Variants in ADGRV1 observed in about 807,000 individuals in gnomAD.
ADGRV1 encodes the protein G-protein coupled receptor 98.
A neutral mutation model predicts 596.2 loss-of-function variants in ADGRV1; 359 were observed. The ratio of observed to expected loss-of-function variants is 0.60; its 90% CI spans 0.55 to 0.66. ADGRV1 has a LOEUF of 0.66. Ranked by LOEUF, ADGRV1 falls within the 30% of genes least tolerant of loss-of-function variation. The probability of loss-of-function intolerance (pLI) is 0.00; values close to 1 mark genes in which losing one functional copy is unlikely to be tolerated. For missense variants in ADGRV1, 7,274 were observed against 7,575.6 expected, an observed-to-expected ratio of 0.96 and a Z score of 1.48; for synonymous variants, 2,681 against 2,679.2, an observed-to-expected ratio of 1.00 and a Z score of -0.02.
intron 85 of ADGRV1, among the ~76,000 whole-genome samples, chr5:91,021,217 G>C (rs561904792): frequency 6.6e-6 from 1 of 152,050 alleles, no homozygotes; most frequent in Non-Finnish European, 1.5e-5. Context: ...TTTCTAGAAT[G>C]TCAATAACAA....
intron 84 of ADGRV1, among the ~76,000 whole-genome samples, chr5:90,973,748 C>T (rs1336451149): frequency 6.6e-6 from 1 of 152,106 alleles, no homozygotes; most frequent in Non-Finnish European, 1.5e-5. Context: ...CAATATCATA[C>T]TGAATGGGCA....
chr5:91,130,600 C>CTTTATGTTT (rs1298229050), intron 87 of ADGRV1, among the ~76,000 whole-genome samples: 1 of 148,594 alleles, frequency 6.7e-6, no homozygotes. Flanking sequence ...TTACTGGTTA[C>CTTTATGTTT]TGAAAAGGAA....
intron 85 of ADGRV1, among the ~76,000 whole-genome samples, chr5:91,039,162 A>G (rs1394236960): frequency 6.6e-6 from 1 of 152,192 alleles, no homozygotes; most frequent in Non-Finnish European, 1.5e-5. Flanking sequence ...GCAGCTGACA[A>G]AAATCCAACT....
intron 83 of ADGRV1, among the ~76,000 whole-genome samples, chr5:90,948,762 TAA>T (rs1776817427): frequency 6.6e-6 from 1 of 152,162 alleles, no homozygotes; most frequent in South Asian, 2.1e-4. Flanking sequence ...TATTTTATAA[TAA>T]AGTGTTTAAC....
In ADGRV1 at chr5:90,691,094, G is replaced by C. The variant is rs963690704; in HGVS notation, c.6951+53G>C. ...CACTGTAAATCATACCGTATCTATA[G>C]TGACTAGAACAGATGGCCATTGTAA... On this transcript the variant is annotated intron_variant, in intron 31 of 89. Transcript: ENST00000405460. The C allele has an allele frequency of 5.0e-6, 8 of 1,604,398 alleles. 1 individual carries two copies. The Middle Eastern group carries it at 1.3e-3, about 266-fold the overall frequency.
intron 87 of ADGRV1, among the ~76,000 whole-genome samples, chr5:91,105,457 G>A (rs565379789): frequency 5.7e-4 from 86 of 152,208 alleles, no homozygotes; most frequent in Middle Eastern, 6.8e-3. Flanking sequence ...TCCCACCAGC[G>A]GTGTAGAAGA....
chr5:90,795,272 A>T (rs1760567950), intron 70 of ADGRV1, among the ~76,000 whole-genome samples: 1 of 152,100 alleles, frequency 6.6e-6, no homozygotes, highest in Non-Finnish European at 1.5e-5. Context: ...CTGCCAGCAC[A>T]GCAGCAGTCT....
At chr5:91,106,214 G>A (rs542820448) in intron 87 of ADGRV1, among the ~76,000 whole-genome samples, 2 of 152,092 alleles carry the variant, frequency 1.3e-5, no homozygotes, top group African/African-American at 4.8e-5. Flanking sequence ...CTTTATTGAA[G>A]AGACTTTCCT....
chr5:90,779,255 T>C (rs1472759018), intron 64 of ADGRV1, 158 bp downstream of exon 64: 1 of 440,972 alleles, frequency 2.3e-6, no homozygotes, highest in Non-Finnish European at 4.0e-6. Context: ...AGGGAAATTA[T>C]GACAATGACT....
intron 86 of ADGRV1, 94 bp from the exon 87 acceptor site, chr5:91,102,125 C>T (rs751641282): frequency 1.7e-6 from 2 of 1,173,198 alleles, no homozygotes; most frequent in Non-Finnish European, 2.4e-6. Context: ...AAAATGGGCA[C>T]TAGAATACCA....
chr5:90,982,413 G>A (rs1471887172), intron 84 of ADGRV1, among the ~76,000 whole-genome samples: 1 of 152,184 alleles, frequency 6.6e-6, no homozygotes, highest in African/African-American at 2.4e-5. Context: ...AAAAATGGCA[G>A]TAACTAGAGA....
chr5:90,644,017 T>C lies in ADGRV1; in HGVS notation c.2734+34T>C, dbSNP rs1012927860. 28 of 1,321,906 alleles carry C rather than the reference T, an allele frequency of 2.1e-5. No homozygotes were observed. In the Admixed American group the frequency reaches 4.4e-4, roughly 21 times the overall value. 81.9% of individuals were successfully genotyped at this position (1,321,906 alleles called of 1,614,324 possible). On this transcript the variant is annotated intron_variant, in intron 14 of 89. Transcript: ENST00000405460. The stretch of plus-strand genomic sequence containing the variant: ...TTCTGTGTCTTATATTGTATTTCTG[T>C]TTACTGAAGAAGAAATATAATTTTT...
At chr5:90,946,120 C>A (rs1239412349) in intron 83 of ADGRV1, among the ~76,000 whole-genome samples, 1 of 152,042 alleles carries the variant, frequency 6.6e-6, no homozygotes, top group Admixed American at 6.6e-5. Flanking sequence ...ACAAGAACCA[C>A]CTAGAAGGAG....
At chr5:90,913,277 C>G (rs1773060009) in intron 83 of ADGRV1, among the ~76,000 whole-genome samples, 1 of 152,174 alleles carries the variant, frequency 6.6e-6, no homozygotes, top group African/African-American at 2.4e-5. Context: ...CTTCCCATAG[C>G]AGCAATTACA....
At chr5:91,010,891 T>C (rs1472374798) in intron 85 of ADGRV1, among the ~76,000 whole-genome samples, 5 of 152,092 alleles carry the variant, frequency 3.3e-5, no homozygotes, top group African/African-American at 9.6e-5. Context: ...ATAAGTTCCC[T>C]GAAAATAGAA....
At chr5:90,596,397 G>T (rs920256033) in intron 1 of ADGRV1, among the ~76,000 whole-genome samples, 1 of 151,800 alleles carries the variant, frequency 6.6e-6, no homozygotes, top group Non-Finnish European at 1.5e-5. Flanking sequence ...TGGCGGCCGG[G>T]CAGAGGCTGC....
At chr5:90,972,290 C>G (rs1038316003) in intron 84 of ADGRV1, among the ~76,000 whole-genome samples, 47 of 152,230 alleles carry the variant, frequency 3.1e-4, no homozygotes, top group African/African-American at 1.0e-3. Flanking sequence ...TTAGACAGAT[C>G]AATGAGACAG....
intron 89 of ADGRV1, among the ~76,000 whole-genome samples, chr5:91,161,178 A>C (rs1796908810): frequency 6.6e-6 from 1 of 152,142 alleles, no homozygotes; most frequent in Non-Finnish European, 1.5e-5. Flanking sequence ...TCCTTGCTAC[A>C]GGCCCCAGGG....
chr5:91,025,508 T>G (rs1783951777), intron 85 of ADGRV1, among the ~76,000 whole-genome samples: 1 of 152,164 alleles, frequency 6.6e-6, no homozygotes, highest in Non-Finnish European at 1.5e-5. Context: ...TACTTTTTAA[T>G]AGAAAAGATC....
Sources: allele counts gnomAD v4.1 joint callset (sites outside exome capture counted in the v4.1 genomes callset), GRCh38; gene constraint gnomAD v4.1.1; transcripts MANE v1.5; gene names NCBI Gene and HGNC (gene_info 2026-07-23, HGNC 2026-07-21).